DLG5: variants seen among roughly 807,000 people sequenced by gnomAD.
DLG5 encodes discs large MAGUK scaffold protein 5.
DLG5 carries 48 observed loss-of-function variants against 189.8 expected under a neutral mutation model. The ratio of observed to expected loss-of-function variants is 0.25; its 90% CI spans 0.20 to 0.32. DLG5 has a LOEUF of 0.32. Among genes scored for constraint, DLG5 ranks in the 10% least tolerant of loss-of-function variants. DLG5 has a pLI of 1.00. For missense variants in DLG5, 2,160 were observed against 2,544.7 expected (o/e 0.85, Z 3.25); for synonymous variants, 1,016 against 1,054.1 (o/e 0.96, Z 0.70).
At chr10:77,893,731 T>C (rs899653520) in intron 1 of DLG5, among the ~76,000 whole-genome samples, 2 of 152,192 alleles carry the variant, frequency 1.3e-5, no homozygotes, top group Admixed American at 1.3e-4. Context: ...AACCAAAACA[T>C]AGCCAACGGC....
At chr10:77,913,794 G>A (rs897795865) in intron 1 of DLG5, among the ~76,000 whole-genome samples, 1 of 151,940 alleles carries the variant, frequency 6.6e-6, no homozygotes, top group Non-Finnish European at 1.5e-5. Flanking sequence ...TTGCCGTGTT[G>A]CCCAGGCTGG....
chr10:77,806,728 C>T (rs1841493214), intron 26 of DLG5, 30 bp downstream of exon 26: 1 of 1,525,042 alleles, frequency 6.6e-7, no homozygotes, highest in Non-Finnish European at 9.1e-7. Flanking sequence ...ACCCCTGCCC[C>T]ACCCCACCCC....
intron 5 of DLG5, 89 bp downstream of exon 5, chr10:77,853,265 G>A (rs1589218701): frequency 2.4e-6 from 3 of 1,251,950 alleles, no homozygotes; most frequent in Non-Finnish European, 2.1e-6. Context: ...AACGTGCCCG[G>A]CCCAGCATTT....
chr10:77,866,457 G>A (rs1275374997), intron 2 of DLG5, among the ~76,000 whole-genome samples: 1 of 152,212 alleles, frequency 6.6e-6, no homozygotes, highest in African/African-American at 2.4e-5. Context: ...AATGAAAGGA[G>A]GCCATACTGA....
At chr10:77,934,284 T>C in the DLG5 span, among the ~76,000 whole-genome samples, 1 of 149,620 alleles carries the variant, frequency 6.7e-6, no homozygotes, top group African/African-American at 2.5e-5. Context: ...GGCAGGAGAA[T>C]TGCTTGAACC....
rs549836156 is a variant in DLG5 at position 77,895,061 on chromosome 10, C to T, written c.305-25864G>A. Among the ~76,000 whole-genome samples, 4 of 152,308 alleles carry T rather than the reference C, an allele frequency of 2.6e-5. No individual in the cohort carries two copies. The South Asian group carries it at 8.3e-4, about 32-fold the overall frequency. ...GGGTTCAGGGAAGAAAAGTGATGAG[C>T]AGGTCACACTGCTGGACTTAACCCC... On this transcript the variant is annotated intron_variant, in intron 1 of 31. Coordinates refer to ENST00000372391, the MANE Select transcript of DLG5 (RefSeq NM_004747.4).
chr10:77,794,324 C>T (rs775978245), intron 30 of DLG5, among the ~76,000 whole-genome samples: 16 of 152,356 alleles, frequency 1.1e-4, no homozygotes, highest in African/African-American at 3.1e-4. Context: ...CCCCAGCACA[C>T]ACACTTGGAA....
chr10:77,796,150 C>T lies in DLG5; in HGVS notation c.5347G>A (p.Val1783Ile), dbSNP rs1419159791. Residue 1783 changes from valine to isoleucine, a missense_variant, in exon 29 of 32, where the codon GTC becomes ATC. By Grantham distance (29) the Val-to-Ile change is conservative. This residue lies in a region of DLG5 where 574 missense variants were observed against 644.2 expected (regional missense o/e 0.89). Coordinates refer to ENST00000372391, the MANE Select transcript of DLG5 (RefSeq NM_004747.4). The surrounding 1 kb of genome is among the most constrained non-coding windows in gnomAD (Gnocchi z 5.2). The stretch of plus-strand genomic sequence containing the variant: ...TAGTCGACAAACAGGCAATCTTTGA[C>T]ACCCCGCTCAATGGCCTGCTGGGAG... ...KASQQAIERGVKDCLFVDYKR... is the reference protein window; with the variant it reads ...KASQQAIERGIKDCLFVDYKR... The T allele has an allele frequency of 6.2e-7, 1 of 1,614,220 alleles. No individual in the cohort carries two copies. Among genetic ancestry groups the T allele is most frequent in the South Asian group, 1.1e-5 (1 of 91,086 alleles).
rs780982762 is a variant in DLG5, at chr10:77,835,893, C to G, written c.1467G>C (p.Gly489=). The G allele has an allele frequency of 6.2e-7, 1 of 1,613,568 alleles. No individual in the cohort carries two copies. The highest frequency in any genetic ancestry group is 8.5e-7 in the Non-Finnish European group (1 of 1,179,588). The change falls in exon 8 of 32, where the codon GGG becomes GGC. Residue 489 remains glycine, a synonymous_variant. Coordinates refer to ENST00000372391, the MANE Select transcript of DLG5 (RefSeq NM_004747.4). ...QIKDTVTMDA[G]RANKEVEILR... ...GGATTTCAACCTCCTTGTTGGCTCTCCCAGCATCCATTGTCACCGTGTCTT... is the reference window on the plus strand; with the variant it reads ...GGATTTCAACCTCCTTGTTGGCTCTGCCAGCATCCATTGTCACCGTGTCTT...
chr10:77,937,749 G>C, the DLG5 span, among the ~76,000 whole-genome samples: 1 of 131,664 alleles, frequency 7.6e-6, no homozygotes, highest in Admixed American at 8.6e-5. Flanking sequence ...ACAGAGTTTC[G>C]CTCTTGTTGC....
At chr10:77,868,792 G>A in intron 2 of DLG5, 1 of 330,464 alleles carries the variant, frequency 3.0e-6, no homozygotes, top group Non-Finnish European at 5.5e-6. Context: ...AACTCCAAAA[G>A]GGGTGAGTCT....
At chr10:77,878,014 A>G (rs1163855365) in intron 1 of DLG5, among the ~76,000 whole-genome samples, 2 of 152,202 alleles carry the variant, frequency 1.3e-5, no homozygotes, top group African/African-American at 2.4e-5. Context: ...AACTTCTGAT[A>G]AGCCCCAGAA....
intron 2 of DLG5, among the ~76,000 whole-genome samples, chr10:77,865,024 G>A (rs1844617112): frequency 6.6e-6 from 1 of 152,146 alleles, no homozygotes; most frequent in Admixed American, 6.5e-5. Context: ...CACTTTTCCT[G>A]GAAGGCCCAG....
At chr10:77,885,825 G>C (rs1190217656) in intron 1 of DLG5, among the ~76,000 whole-genome samples, 7 of 152,238 alleles carry the variant, frequency 4.6e-5, no homozygotes, top group African/African-American at 1.7e-4. Context: ...TTCAGAGGGG[G>C]CGTGACTGAG....
chr10:77,804,061 T>A (rs1358970913), intron 27 of DLG5, among the ~76,000 whole-genome samples: 1 of 152,056 alleles, frequency 6.6e-6, no homozygotes, highest in Non-Finnish European at 1.5e-5. Context: ...AGGCTAATTT[T>A]TGTATTTTTT....
rs1225677584 is a variant in DLG5, at chr10:77,821,158, T to C, written c.3326A>G (p.Lys1109Arg). ...TSQKVDELGQ[K>R]RRRPKSAPSF... ...GGGAGCAGATTTTGGCCGGCGACGC[T>C]TCTGCCCCAGCTCATCCACCTTCTG... The change falls in exon 15 of 32, where the codon AAG (lysine) becomes AGG (arginine). Residue 1109 changes from lysine to arginine, a missense_variant. Lys to Arg is a conservative substitution (Grantham distance 26). Coordinates refer to ENST00000372391, the MANE Select transcript of DLG5 (RefSeq NM_004747.4). 2.7e-5 allele frequency: 44 copies of C among 1,614,180 alleles called. No homozygotes were observed. Among genetic ancestry groups the C allele is most frequent in the Non-Finnish European group, 3.6e-5 (43 of 1,180,050 alleles).
At chr10:77,939,852 A>G in the DLG5 span, among the ~76,000 whole-genome samples, 2 of 152,204 alleles carry the variant, frequency 1.3e-5, no homozygotes, top group Non-Finnish European at 2.9e-5. Context: ...GCAGCAGGCC[A>G]CCGCAGAGAT....
intron 31 of DLG5, chr10:77,793,793 G>A (rs1840763616): frequency 1.7e-6 from 1 of 583,798 alleles, no homozygotes; most frequent in Non-Finnish European, 3.1e-6. Flanking sequence ...CAGGACCTGA[G>A]GCCAAGATCG....
intron 1 of DLG5, among the ~76,000 whole-genome samples, chr10:77,922,381 T>C (rs771463159): frequency 1.3e-5 from 2 of 152,138 alleles, no homozygotes; most frequent in Non-Finnish European, 2.9e-5. Flanking sequence ...ACTTGGTTAC[T>C]GGGAAAAACA....
Sources: allele counts gnomAD v4.1 joint callset (sites outside exome capture counted in the v4.1 genomes callset), GRCh38; gene constraint gnomAD v4.1.1; regional missense constraint gnomAD v4.1.1; non-coding constraint Gnocchi (gnomAD v3.1); transcripts MANE v1.5; gene names NCBI Gene and HGNC (gene_info 2026-07-23, HGNC 2026-07-21).